CGNL1: variants seen among roughly 807,000 people sequenced by gnomAD.
CGNL1 encodes the protein cingulin like 1.
Under a neutral mutation model 141.2 loss-of-function variants are expected in CGNL1, and 132 were observed. The ratio of observed to expected loss-of-function variants is 0.93; its 90% confidence interval spans 0.81 to 1.08. The LOEUF (loss-of-function observed/expected upper bound fraction) is 1.08, where lower values mean the gene tolerates loss of function less well. Among genes scored for constraint, CGNL1 ranks in the 50% least tolerant of loss-of-function variants. The probability of loss-of-function intolerance (pLI) is 0.00; values close to 1 mark genes in which losing one functional copy is unlikely to be tolerated. For synonymous variants in CGNL1, 690 were observed against 622.1 expected (o/e 1.11, Z -1.63); for missense variants, 1,870 against 1,588.6 (o/e 1.18, Z -3.01).
At chr15:57,448,610 T>C (rs978148674) in intron 4 of CGNL1, among the ~76,000 whole-genome samples, 1 of 151,706 alleles carries the variant, frequency 6.6e-6, no homozygotes. Context: ...ATCTGGCCAA[T>C]GCACTCCAGC....
chr15:57,384,113 A>T (rs1266305038), intron 1 of CGNL1, among the ~76,000 whole-genome samples: 1 of 150,888 alleles, frequency 6.6e-6, no homozygotes, highest in Non-Finnish European at 1.5e-5. Flanking sequence ...GGGAGAGGGG[A>T]AATAGTGGGT....
At chr15:57,442,534 A>G (rs1229990139) in intron 4 of CGNL1, 56 bp downstream of exon 4, 3 of 1,090,474 alleles carry the variant, frequency 2.8e-6, no homozygotes, top group African/African-American at 3.1e-5. Context: ...GTGGTAAACA[A>G]CTTGCTGTTT....
intron 8 of CGNL1, among the ~76,000 whole-genome samples, chr15:57,488,688 G>A (rs1456284573): frequency 6.6e-6 from 1 of 152,218 alleles, no homozygotes; most frequent in African/African-American, 2.4e-5. Flanking sequence ...AGCTAGGCAT[G>A]AACCTTTCGA....
chr15:57,544,869 G>A (rs1407888820), intron 16 of CGNL1, among the ~76,000 whole-genome samples: 2 of 152,228 alleles, frequency 1.3e-5, no homozygotes, highest in Admixed American at 1.3e-4. Context: ...TGGTGCCACT[G>A]TACTTGCTGT....
At chr15:57,483,468 C>CT (rs60667956) in intron 8 of CGNL1, among the ~76,000 whole-genome samples, 2,966 of 127,770 alleles carry the variant, frequency 0.023, 78 homozygotes, top group African/African-American at 0.046. Context: ...ACAAAGTTTT[C>CT]TTTTTTTTTT....
At chr15:57,469,069 TACAGAGACCTAATGTGGGGACA>T (rs2063547358) in intron 8 of CGNL1, among the ~76,000 whole-genome samples, 1 of 152,118 alleles carries the variant, frequency 6.6e-6, no homozygotes, top group African/African-American at 2.4e-5. Flanking sequence ...AATGGACTAA[TACAGAGACCTAATGTGGGGACA>T]TTACTTGGTG....
intron 8 of CGNL1, among the ~76,000 whole-genome samples, chr15:57,476,126 C>G (rs1401265840): frequency 1.3e-5 from 2 of 152,142 alleles, no homozygotes; most frequent in Non-Finnish European, 2.9e-5. Context: ...AGAAAGCTGA[C>G]AGCCAGTTCG....
At chr15:57,543,174 T>C (rs1307186059) in intron 14 of CGNL1, among the ~76,000 whole-genome samples, 2 of 152,128 alleles carry the variant, frequency 1.3e-5, no homozygotes, top group African/African-American at 4.8e-5. Flanking sequence ...TTTCTGGCAA[T>C]CTTTGGTAAT....
intron 1 of CGNL1, among the ~76,000 whole-genome samples, chr15:57,408,386 C>T (rs1356350825): frequency 6.6e-6 from 1 of 152,032 alleles, no homozygotes; most frequent in Admixed American, 6.6e-5. Context: ...ACAAATCTTT[C>T]CACAAATGTG....
At chr15:57,468,747 T>C (rs1381369818) in intron 8 of CGNL1, among the ~76,000 whole-genome samples, 2 of 152,174 alleles carry the variant, frequency 1.3e-5, no homozygotes, top group Admixed American at 6.5e-5. Context: ...TCGTCTTGAA[T>C]TGTACTCTCA....
chr15:57,394,703 A>C (rs1222875517), intron 1 of CGNL1, among the ~76,000 whole-genome samples: 1 of 152,246 alleles, frequency 6.6e-6, no homozygotes, highest in Non-Finnish European at 1.5e-5. Context: ...GACCCTGCTT[A>C]GTGTCAATAG....
chr15:57,536,686 A>G (rs1221237363), intron 14 of CGNL1, among the ~76,000 whole-genome samples: 6 of 152,178 alleles, frequency 3.9e-5, no homozygotes, highest in Admixed American at 2.6e-4. Flanking sequence ...CCATGTTTCC[A>G]TTTATGACAA....
chr15:57,423,722 C>G (rs1416526577), intron 1 of CGNL1, among the ~76,000 whole-genome samples: 9 of 152,192 alleles, frequency 5.9e-5, no homozygotes, highest in Admixed American at 4.6e-4. Flanking sequence ...CTCGCATCCC[C>G]CTGGTCGCTC....
At chr15:57,423,251 G>A (rs944782293) in intron 1 of CGNL1, among the ~76,000 whole-genome samples, 32 of 152,104 alleles carry the variant, frequency 2.1e-4, no homozygotes, top group African/African-American at 6.5e-4. Context: ...AAAAGTAATA[G>A]TCCATAAAAT....
intron 8 of CGNL1, among the ~76,000 whole-genome samples, chr15:57,508,721 G>C (rs1383385758): frequency 1.3e-5 from 2 of 152,206 alleles, no homozygotes; most frequent in Non-Finnish European, 2.9e-5. Flanking sequence ...AAGGCCCTGA[G>C]AGCTGAGAAG....
At chr15:57,389,732 A>G (rs1220654886) in intron 1 of CGNL1, among the ~76,000 whole-genome samples, 1 of 152,214 alleles carries the variant, frequency 6.6e-6, no homozygotes, top group Non-Finnish European at 1.5e-5. Context: ...AGGCAAACTT[A>G]GTTATATTTG....
intron 4 of CGNL1, among the ~76,000 whole-genome samples, chr15:57,449,656 A>G (rs2063298420): frequency 6.6e-6 from 1 of 152,210 alleles, no homozygotes; most frequent in Non-Finnish European, 1.5e-5. Flanking sequence ...ACATGTATCT[A>G]TCATTTAGTA....
intron 1 of CGNL1, chr15:57,398,524 G>T (rs976378932): frequency 1.3e-5 from 2 of 152,234 alleles, no homozygotes; most frequent in Non-Finnish European, 2.9e-5. Flanking sequence ...CACGCACCTG[G>T]TCCTGCAGTG....
chr15:57,530,495 C>G (rs1266874334), intron 13 of CGNL1, among the ~76,000 whole-genome samples: 2 of 152,314 alleles, frequency 1.3e-5, no homozygotes, highest in South Asian at 2.1e-4. Context: ...TTTCAAGACT[C>G]AAGAGCTCTC....
Sources: gnomAD v4.1 joint callset for allele counts (sites outside exome capture counted in the v4.1 genomes callset) on GRCh38, gnomAD v4.1.1 for gene constraint, MANE v1.5 for transcripts, NCBI Gene and HGNC (gene_info 2026-07-23, HGNC 2026-07-21) for gene names.